Variants in ZNF711 observed in about 807,000 individuals in gnomAD.
The protein encoded by ZNF711 is zinc finger protein 711.
Under a neutral mutation model 43.5 loss-of-function variants are expected in ZNF711, and 3 were observed. The ratio of observed to expected loss-of-function variants is 0.07; its 90% CI spans 0.03 to 0.18. ZNF711 has a LOEUF of 0.18. ZNF711 is among the 10% of genes least tolerant of loss of function. The probability of loss-of-function intolerance (pLI) is 1.00; values close to 1 mark genes in which losing one functional copy is unlikely to be tolerated. For missense variants in ZNF711, 412 were observed against 604.0 expected (o/e 0.68, Z 3.33); for synonymous variants, 209 against 207.7 (o/e 1.01, Z -0.06).
intron 5 of ZNF711, among the ~76,000 whole-genome samples, chrX:85,263,614 C>T (rs1244704663): frequency 9.2e-6 from 1 of 109,166 alleles, no homozygotes; most frequent in Non-Finnish European, 1.9e-5. Flanking sequence ...TTAGAAACAA[C>T]CACTATTTAA....
chrX:85,255,127 T>G, intron 4 of ZNF711, 132 bp from the exon 5 acceptor site: 1 of 663,649 alleles, frequency 1.5e-6, no homozygotes, highest in Non-Finnish European at 2.2e-6. Flanking sequence ...TTGTCAATGA[T>G]TTTAAAAAAT....
rs1335327651 is a variant in ZNF711 at position 85,244,178 on chromosome X, A to G, written c.-419A>G. The G allele has an allele frequency of 9.5e-5, 14 of 146,731 alleles. No individual in the cohort carries two copies. The highest frequency in any genetic ancestry group is 1.8e-4 in the Non-Finnish European group (14 of 79,007). 12.1% of individuals were successfully genotyped at this position (146,731 alleles called of 1,213,427 possible). A position where few individuals can be genotyped will look rare whatever the true frequency, so the allele number is the denominator to read the frequency against. ...CGGCGGCAGCGGCGGCGGCAGCTGT[A>G]GCTGCAGCAGCAGGTAAGGAGACTC... On this transcript the variant is annotated 5_prime_UTR_variant, in exon 1 of 11. Transcript: ENST00000674551.
At chrX:85,265,607 C>A (rs1222582057) in intron 7 of ZNF711, among the ~76,000 whole-genome samples, 2 of 110,409 alleles carry the variant, frequency 1.8e-5, no homozygotes, top group Non-Finnish European at 3.8e-5. Flanking sequence ...TCATTTAATT[C>A]TTACAACTCA....
At chrX:85,254,801 CAAAAAAAAAAAAAA>C (rs376380248) in intron 4 of ZNF711, among the ~76,000 whole-genome samples, 5 of 35,855 alleles carry the variant, frequency 1.4e-4, no homozygotes, top group Non-Finnish European at 3.0e-4. Flanking sequence ...GACTCCGTCT[CAAAAAAAAAAAAAA>C]AAAAGAAAAA....
intron 9 of ZNF711, among the ~76,000 whole-genome samples, chrX:85,269,331 TCA>T (rs1443841040): frequency 9.0e-5 from 10 of 110,971 alleles, no homozygotes; most frequent in African/African-American, 3.3e-4. Flanking sequence ...TGTTTCAAAT[TCA>T]GTTTCTTTTC....
Position 85,255,776 on chromosome X carries a change from T to G in ZNF711, c.597T>G (p.Thr199=). Reference sequence around the variant, plus strand: ...ATGATGATGATGATGTCAAGAGCACTTCTGAAGACTACTTAATGATATCTT... The same window carrying G: ...ATGATGATGATGATGTCAAGAGCACGTCTGAAGACTACTTAATGATATCTT... ...EDDDDDDVKS[T]SEDYLMISLD... is the part of the protein sequence containing the mutation. Residue 199 remains threonine, a synonymous_variant, in exon 5 of 11, where the codon ACT becomes ACG. Transcript: ENST00000674551. 2.5e-6 allele frequency: 3 copies of G among 1,210,483 alleles called. No individual in the cohort carries two copies. Among genetic ancestry groups the G allele is most frequent in the Non-Finnish European group, 3.4e-6 (3 of 895,066 alleles).
intron 6 of ZNF711, 116 bp downstream of exon 6, chrX:85,264,546 G>A: frequency 1.5e-6 from 1 of 649,081 alleles, no homozygotes; most frequent in African/African-American, 2.3e-5. Flanking sequence ...GTTTTCTTTG[G>A]GAATAGTCTA....
chrX:85,261,620 T>C (rs1395701497), intron 5 of ZNF711, among the ~76,000 whole-genome samples: 1 of 111,306 alleles, frequency 9.0e-6, no homozygotes, highest in East Asian at 2.8e-4. Flanking sequence ...AAAAGGAATG[T>C]TATATTGTAC....
rs1340925525 is a variant in ZNF711 at position 85,270,115 on chromosome X, G to A, written c.1215G>A (p.Arg405=). Residue 405 remains arginine (R), a synonymous_variant, in exon 10 of 11, where the codon AGG becomes AGA. Transcript: ENST00000674551. ...NKVLKQKAKK[R]RRGETRQWQT... is the part of the protein sequence containing the mutation. ...TACTTAAACAAAAAGCCAAAAAGAG[G>A]AGAAGGGGAGAAACCAGGCAGTGGC... is the stretch of plus-strand genomic sequence containing the variant. 1.7e-6 allele frequency: 2 copies of A among 1,209,784 alleles called. No homozygotes were observed. Among genetic ancestry groups the A allele is most frequent in the South Asian group, 3.5e-5 (2 of 56,903 alleles).
intron 4 of ZNF711, among the ~76,000 whole-genome samples, chrX:85,252,402 A>T (rs746028855): frequency 9.0e-6 from 1 of 111,212 alleles, no homozygotes; most frequent in East Asian, 2.8e-4. Context: ...GCATTATTCT[A>T]CCCTTCTTTC....
Position 85,270,729 on chromosome X carries a change from G to T in ZNF711, c.1325G>T (p.Gly442Val). 8.3e-7 allele frequency: 1 copy of T among 1,206,757 alleles called. No homozygotes were observed. The highest frequency in any genetic ancestry group is 1.1e-6 in the Non-Finnish European group (1 of 892,720). The change falls in exon 11 of 11, where the codon GGA becomes GTA. Residue 442 changes from glycine to valine, a missense_variant. Coordinates refer to ENST00000674551, the MANE Select transcript of ZNF711 (RefSeq NM_001330574.2). ...TGCACAAAAAAGTTTAAATCCAGGG[G>T]ATTCTTAAAAAGACACATGAAGAAT... Reference protein sequence around the residue: ...HICTKKFKSRGFLKRHMKNHP... With the variant: ...HICTKKFKSRVFLKRHMKNHP...
chrX:85,255,515 C>G lies in ZNF711; in HGVS notation c.336C>G (p.Ile112Met), dbSNP rs541690559. The G allele has an allele frequency of 3.2e-5, 39 of 1,210,038 alleles. No homozygotes were observed. The Admixed American group carries it at 8.1e-4, about 25-fold the overall frequency. Residue 112 changes from isoleucine to methionine, a missense_variant, in exon 5 of 11, where the codon ATC (isoleucine) becomes ATG (methionine). Physicochemically the swap from Ile to Met is conservative, Grantham distance 10. Around this residue, in one of 4 missense-constraint regions of ZNF711, gnomAD observed 375 missense variants for 514.2 expected, o/e 0.73. Transcript: ENST00000674551. ...EDLEEDDGDH[I>M]LTSELITETV... Reference sequence around the variant, plus strand: ...TAGAGGAAGATGATGGTGATCACATCTTGACTTCTGAACTAATTACAGAAA... The same window carrying G: ...TAGAGGAAGATGATGGTGATCACATGTTGACTTCTGAACTAATTACAGAAA...
intron 5 of ZNF711, among the ~76,000 whole-genome samples, chrX:85,262,135 G>A (rs778511335): frequency 1.8e-5 from 2 of 110,589 alleles, no homozygotes; most frequent in South Asian, 7.5e-4. Context: ...AAAATTAATG[G>A]ATGCATTAAA....
rs777564223 is a variant in ZNF711 at position 85,264,218 on chromosome X, T to G, written c.623-57T>G. 5.0e-4 allele frequency: 501 copies of G among 1,009,767 alleles called. 4 individuals carry two copies. Among genetic ancestry groups the G allele is most frequent in the Non-Finnish European group, 6.6e-4 (474 of 723,474 alleles). 83.2% of individuals were successfully genotyped at this position (1,009,767 alleles called of 1,213,427 possible). ...TAAATAGTGGTAATTTTTCTTGTTT[T>G]GTTGTTTTTTGTCAATGGTATTTTT... On this transcript the variant is annotated intron_variant, in intron 5 of 10. Coordinates refer to ENST00000674551, the MANE Select transcript of ZNF711 (RefSeq NM_001330574.2).
rs1323616880 is a variant in ZNF711 at position 85,272,121 on chromosome X, C to CT, written c.*296dup. ...CAGAGGGGAAAAGCAAAGACAAATA[C>CT]TTTATTTGGCTGATTATGTTAGATA... On this transcript the variant is annotated 3_prime_UTR_variant, in exon 11 of 11. Transcript: ENST00000674551. 2 of 252,270 alleles carry CT rather than the reference C, an allele frequency of 7.9e-6. No homozygotes were observed. Among genetic ancestry groups the CT allele is most frequent in the Non-Finnish European group, 1.4e-5 (2 of 143,448 alleles). The allele number at this position is 252,270 out of a possible 1,213,427, so 20.8% of individuals were successfully genotyped here.
At chrX:85,248,136 A>T (rs1045452443) in intron 4 of ZNF711, among the ~76,000 whole-genome samples, 9 of 106,288 alleles carry the variant, frequency 8.5e-5, no homozygotes, top group Non-Finnish European at 1.5e-4. Flanking sequence ...GAAAGTTGTT[A>T]CCATTAGAAT....
At chrX:85,258,468 G>A (rs55849690) in intron 5 of ZNF711, among the ~76,000 whole-genome samples, 12,343 of 109,343 alleles carry the variant, frequency 0.11, 584 homozygotes, top group South Asian at 0.18. Context: ...ATAAATCACC[G>A]CTAAAGAACT....
chrX:85,255,370 A>C lies in ZNF711; in HGVS notation c.191A>C (p.His64Pro), dbSNP rs1467476230. Residue 64 changes from histidine to proline, a missense_variant, in exon 5 of 11, where the codon CAT (histidine) becomes CCT (proline). Physicochemically the swap from His to Pro is moderately conservative, Grantham distance 77 (BLOSUM62 -2). Transcript: ENST00000674551. The part of the protein sequence containing the change: ...VVTDDGITLD[H>P]GLAAEVVHGP... ...ACAGATGATGGGATAACTCTTGATC[A>C]TGGCCTTGCAGCTGAAGTTGTCCAT... The C allele has an allele frequency of 2.5e-6, 3 of 1,211,705 alleles. No individual in the cohort carries two copies. The highest frequency in any genetic ancestry group is 1.7e-5 in the African/African-American group (1 of 57,751).
intron 5 of ZNF711, among the ~76,000 whole-genome samples, chrX:85,261,029 T>C (rs1199911144): frequency 9.0e-6 from 1 of 111,455 alleles, no homozygotes; most frequent in Non-Finnish European, 1.9e-5. Context: ...ATATATTTAC[T>C]ATTCATTAAG....
Sources: allele counts gnomAD v4.1 joint callset (sites outside exome capture counted in the v4.1 genomes callset), GRCh38; gene constraint gnomAD v4.1.1; regional missense constraint gnomAD v4.1.1; transcripts MANE v1.5; gene names NCBI Gene and HGNC (gene_info 2026-07-23, HGNC 2026-07-21).